RBM33: variants seen among roughly 807,000 people sequenced by gnomAD.
RBM33 encodes RNA binding motif protein 33, also known as RNA-binding protein 33.
In RBM33, 28 loss-of-function variants were observed where a neutral mutation model predicts 132.6. The observed-to-expected ratio is 0.21, with a 90% CI of 0.16 to 0.29. RBM33 has a LOEUF of 0.29. RBM33 is among the 10% of genes least tolerant of loss of function. RBM33 has a pLI of 1.00. For missense variants in RBM33, 1,291 were observed against 1,518.5 expected (o/e 0.85, Z 2.49); for synonymous variants, 634 against 593.0 (o/e 1.07, Z -1.01).
chr7:155,748,132 A>G (rs902757963), intron 14 of RBM33, among the ~76,000 whole-genome samples: 1 of 152,238 alleles, frequency 6.6e-6, no homozygotes, highest in Non-Finnish European at 1.5e-5. Flanking sequence ...TGACTTGTGC[A>G]TGGCACCCAT....
rs180854756 is a variant in RBM33 at position 155,678,964 on chromosome 7, G to C, written c.248+280G>C. On this transcript the variant is annotated intron_variant, in intron 4 of 17. Transcript: ENST00000401878. ...AGGCAGGTGGATCACTTGAGGTCAG[G>C]AGTTTGAGACCAGCCTGGTTAACAT... Among the ~76,000 whole-genome samples the C allele has an allele frequency of 2.6e-5, 4 of 152,182 alleles. No individual in the cohort carries two copies. The East Asian group carries it at 7.8e-4, about 30-fold the overall frequency.
Position 155,775,071 on chromosome 7 carries a change from G to C in RBM33, c.*30G>C, listed in dbSNP as rs774527679. 6.3e-7 allele frequency: 1 copy of C among 1,590,150 alleles called. No individual in the cohort carries two copies. Among genetic ancestry groups the C allele is most frequent in the Non-Finnish European group, 8.6e-7 (1 of 1,158,136 alleles). ...TAACAAGAGAGCCTGACCTTAGGCTGTACACACACTGTGGAATTTCTTCAA... is the reference window on the plus strand; with the variant it reads ...TAACAAGAGAGCCTGACCTTAGGCTCTACACACACTGTGGAATTTCTTCAA... On this transcript the variant is annotated 3_prime_UTR_variant, in exon 18 of 18. Coordinates refer to ENST00000401878, the MANE Select transcript of RBM33 (RefSeq NM_053043.3).
intron 1 of RBM33, among the ~76,000 whole-genome samples, chr7:155,658,962 G>T (rs181502025): frequency 3.5e-3 from 527 of 152,236 alleles, no homozygotes; most frequent in African/African-American, 0.012. Context: ...TTGGATGCAG[G>T]CATTTAAGGA....
chr7:155,727,919 A>G (rs1365338927), intron 9 of RBM33, among the ~76,000 whole-genome samples: 1 of 147,990 alleles, frequency 6.8e-6, no homozygotes, highest in African/African-American at 2.5e-5. Flanking sequence ...GTGTCCCACC[A>G]TGCCTGGCTA....
chr7:155,693,457 C>A (rs781027918), intron 5 of RBM33, among the ~76,000 whole-genome samples: 20 of 151,626 alleles, frequency 1.3e-4, no homozygotes, highest in Non-Finnish European at 2.4e-4. Context: ...CTTTTTTATA[C>A]CATCTGCTAG....
chr7:155,690,503 T>A (rs1222123459), intron 5 of RBM33, among the ~76,000 whole-genome samples: 1 of 152,210 alleles, frequency 6.6e-6, no homozygotes, highest in Non-Finnish European at 1.5e-5. Context: ...AATTTGACCC[T>A]GTCATTATGA....
At chr7:155,771,038 G>A (rs1009101359) in intron 16 of RBM33, among the ~76,000 whole-genome samples, 1 of 152,184 alleles carries the variant, frequency 6.6e-6, no homozygotes, top group Middle Eastern at 3.2e-3. Context: ...GCCAATCAGG[G>A]TGAGAGCTGG....
chr7:155,676,908 C>T (rs1303784727), intron 3 of RBM33, among the ~76,000 whole-genome samples: 1 of 152,214 alleles, frequency 6.6e-6, no homozygotes, highest in African/African-American at 2.4e-5. Context: ...GCTCACCCAC[C>T]ACAGTACACA....
intron 8 of RBM33, among the ~76,000 whole-genome samples, chr7:155,717,716 G>C (rs1055866146): frequency 5.9e-5 from 9 of 152,196 alleles, no homozygotes; most frequent in Non-Finnish European, 1.3e-4. Flanking sequence ...AAACACATCT[G>C]ATTTAGCCTC....
chr7:155,701,370 A>G (rs1454977687), intron 6 of RBM33: 5 of 198,402 alleles, frequency 2.5e-5, no homozygotes, highest in Non-Finnish European at 5.1e-5. Context: ...CTTCATAGCT[A>G]TATCTTTTTT....
chr7:155,665,810 A>G lies in RBM33; in HGVS notation c.122+557A>G, dbSNP rs118103569. 3.6e-3 allele frequency among the ~76,000 whole-genome samples: 551 copies of G among 152,346 alleles called. 4 individuals are homozygous for G. Among genetic ancestry groups the G allele is most frequent in the Middle Eastern group, 0.014 (4 of 294 alleles). On this transcript the variant is annotated intron_variant, in intron 2 of 17. Transcript: ENST00000401878. ...AGTGGTTACCTCTGGCAAGGAGTTA[A>G]TAATAGAGGTTAGAGATGTGTTCTG...
intron 8 of RBM33, among the ~76,000 whole-genome samples, chr7:155,713,437 C>T (rs904292224): frequency 1.3e-5 from 2 of 151,944 alleles, no homozygotes; most frequent in Non-Finnish European, 2.9e-5. Context: ...GGAGGAGAAC[C>T]CGTCAGGGAG....
intron 16 of RBM33, among the ~76,000 whole-genome samples, chr7:155,771,574 A>G (rs536052745): frequency 6.6e-6 from 1 of 152,176 alleles, no homozygotes; most frequent in Non-Finnish European, 1.5e-5. Flanking sequence ...AGCTACGTAG[A>G]TTACAAGTAA....
At chr7:155,767,808 A>C (rs1170500653) in intron 16 of RBM33, among the ~76,000 whole-genome samples, 1 of 152,258 alleles carries the variant, frequency 6.6e-6, no homozygotes, top group East Asian at 1.9e-4. Context: ...TGTATGTTTA[A>C]GGATATTTCA....
chr7:155,730,945 A>G (rs942534582), intron 9 of RBM33, among the ~76,000 whole-genome samples: 7 of 152,232 alleles, frequency 4.6e-5, no homozygotes, highest in Non-Finnish European at 1.0e-4. Context: ...TGATGTACCT[A>G]GTTCTCAGGT....
chr7:155,653,258 A>G (rs1223200188), intron 1 of RBM33, among the ~76,000 whole-genome samples: 1 of 152,196 alleles, frequency 6.6e-6, no homozygotes, highest in African/African-American at 2.4e-5. Context: ...TTTAGGGGCC[A>G]GTCTTAATCC....
chr7:155,760,450 C>G (rs766841221), intron 14 of RBM33, among the ~76,000 whole-genome samples: 1 of 152,152 alleles, frequency 6.6e-6, no homozygotes, highest in African/African-American at 2.4e-5. Flanking sequence ...GTCTGATGTC[C>G]CCTCCACCTA....
At chr7:155,751,655 G>A (rs934321914) in intron 14 of RBM33, among the ~76,000 whole-genome samples, 12 of 152,168 alleles carry the variant, frequency 7.9e-5, no homozygotes, top group Non-Finnish European at 1.5e-4. Context: ...AGGGGATATC[G>A]GGTCCTTCTT....
Position 155,680,611 on chromosome 7 carries a change from T to A in RBM33, c.270T>A (p.Ser90Arg). ...ENFSSQGVTI[S>R]LNATSGMVTS... is the part of the protein sequence containing the mutation. ...CTAGTTCTCAGGGTGTTACAATTAGTCTGAATGCTACATCTGGCATGGTTA... is the reference window on the plus strand; with the variant it reads ...CTAGTTCTCAGGGTGTTACAATTAGACTGAATGCTACATCTGGCATGGTTA... The change falls in exon 5 of 18, where the codon AGT becomes AGA. Residue 90 changes from serine to arginine, a missense_variant. By Grantham distance (110) the Ser-to-Arg change is moderately radical (BLOSUM62 -1). Around this residue, in one of 7 missense-constraint regions of RBM33, gnomAD observed 194 missense variants for 249.8 expected, o/e 0.78. Transcript: ENST00000401878. The A allele has an allele frequency of 1.2e-6, 2 of 1,600,664 alleles. No homozygotes were observed. Among genetic ancestry groups the A allele is most frequent in the Non-Finnish European group, 1.7e-6 (2 of 1,175,006 alleles).
Sources: gnomAD v4.1 joint callset for allele counts (sites outside exome capture counted in the v4.1 genomes callset) on GRCh38, gnomAD v4.1.1 for gene constraint, gnomAD v4.1.1 regional missense constraint, MANE v1.5 for transcripts, NCBI Gene and HGNC (gene_info 2026-07-23, HGNC 2026-07-21) for gene names.